The following NUDT14 variants were observed in gnomAD, a reference collection of about 807,000 sequenced individuals.
NUDT14 encodes the protein uridine diphosphate glucose pyrophosphatase NUDT14.
In NUDT14, 22 loss-of-function variants were observed where a neutral mutation model predicts 17.5. The ratio of observed to expected loss-of-function variants is 1.26; its 90% CI spans 0.90 to 1.80. The LOEUF (loss-of-function observed/expected upper bound fraction) is 1.80. Ranked by LOEUF, NUDT14 falls within the 40% of genes most tolerant of loss-of-function variation. NUDT14 has a pLI of 0.00. For synonymous variants in NUDT14, 129 were observed against 125.8 expected, an observed-to-expected ratio of 1.03 and a Z score of -0.17; for missense variants, 296 against 295.6, an observed-to-expected ratio of 1.00 and a Z score of -0.01.
Position 105,176,623 on chromosome 14 carries a change from G to A in NUDT14, c.339C>T (p.Leu113=). The A allele has an allele frequency of 6.2e-7, 1 of 1,612,748 alleles. No homozygotes were observed. Among genetic ancestry groups the A allele is most frequent in the East Asian group, 2.2e-5 (1 of 44,880 alleles). ...CCTTGCAAGCCACTTCCTCCAGCGAGAGCCCAGGCTGGTCCACGAGGCCGG... is the reference window on the plus strand; with the variant it reads ...CCTTGCAAGCCACTTCCTCCAGCGAAAGCCCAGGCTGGTCCACGAGGCCGG... ...LCAGLVDQPG[L]SLEEVACKEA... Residue 113 remains leucine (L), a synonymous_variant, in exon 4 of 5, where the codon CTC becomes CTT. Coordinates refer to ENST00000392568, the MANE Select transcript of NUDT14 (RefSeq NM_177533.5).
At position 105,181,225 on chromosome 14, in the gene NUDT14, GGCGGGGGCC is replaced by G; in HGVS notation, c.-25_-17del. The G allele has an allele frequency of 9.6e-7, 1 of 1,039,748 alleles. No homozygotes were observed. Among genetic ancestry groups the G allele is most frequent in the Non-Finnish European group, 1.2e-6 (1 of 847,472 alleles). 64.4% of individuals were successfully genotyped at this position (1,039,748 alleles called of 1,614,324 possible). On this transcript the variant is annotated 5_prime_UTR_variant, in exon 1 of 5. Coordinates refer to ENST00000392568, the MANE Select transcript of NUDT14 (RefSeq NM_177533.5). The surrounding 1 kb of genome is among the most constrained non-coding windows in gnomAD (Gnocchi z 5.0). ...TGCGCTCCATGGCGGCGCCCGGACA[GGCGGGGGCC>G]GCGAGCTCTGCGGGGGCCGACACGG... is the stretch of plus-strand genomic sequence containing the variant.
chr14:105,178,948 G>T (rs1369745966), intron 1 of NUDT14, among the ~76,000 whole-genome samples: 2 of 152,116 alleles, frequency 1.3e-5, no homozygotes, highest in Non-Finnish European at 2.9e-5. Context: ...GAGGCCGTGG[G>T]GTACCACTCC....
At chr14:105,180,197 G>T (rs1889296668) in intron 1 of NUDT14, among the ~76,000 whole-genome samples, 1 of 152,222 alleles carries the variant, frequency 6.6e-6, no homozygotes, top group Non-Finnish European at 1.5e-5. Context: ...CAACACATAT[G>T]CCTCATGCCT....
chr14:105,176,401 T>C (rs1216242745), intron 4 of NUDT14, 133 bp downstream of exon 4: 3 of 800,570 alleles, frequency 3.7e-6, no homozygotes, highest in Non-Finnish European at 6.2e-6. Context: ...GCGCATTCGG[T>C]CCAACCCTCC....
At chr14:105,180,907 GC>G (rs1416696432) in intron 1 of NUDT14, among the ~76,000 whole-genome samples, 7 of 152,130 alleles carry the variant, frequency 4.6e-5, no homozygotes, top group Non-Finnish European at 1.0e-4. Context: ...GATGAGTGGT[GC>G]CCCCTCAGAT....
rs1440561033 is a variant in NUDT14 at position 105,177,707 on chromosome 14, A to T, written c.110T>A (p.Met37Lys). 6.2e-7 allele frequency: 1 copy of T among 1,612,450 alleles called. No individual in the cohort carries two copies. The highest frequency in any genetic ancestry group is 8.5e-7 in the Non-Finnish European group (1 of 1,179,718). The change falls in exon 2 of 5, where the codon ATG (methionine) becomes AAG (lysine). Residue 37 changes from methionine (M) to lysine (K), a missense_variant. By Grantham distance (95) the Met-to-Lys change is moderately conservative. Transcript: ENST00000392568. ...AGGCTCTCACCTGTCATGCGTCTTC[A>T]TGAAGTCCCAGGACTTCTGGGCACC... ...QNGAQKSWDF[M>K]KTHDSVTVLL...
rs368542670 is a variant in NUDT14, at chr14:105,177,038, G to C, written c.126-11C>G. ...AAGAGAACGGTCACGCTGTGTACGGGGGGAGGGGCTCAGCACAGAAGCACT... is the reference window on the plus strand; with the variant it reads ...AAGAGAACGGTCACGCTGTGTACGGCGGGAGGGGCTCAGCACAGAAGCACT... On this transcript the variant is annotated splice_polypyrimidine_tract_variant and intron_variant, in intron 2 of 4. Transcript: ENST00000392568. The C allele has an allele frequency of 7.5e-6, 12 of 1,610,584 alleles. No homozygotes were observed. The highest frequency in any genetic ancestry group is 1.1e-5 in the South Asian group (1 of 90,730).
At chr14:105,174,940 C>T (rs111407599) in intron 4 of NUDT14, among the ~76,000 whole-genome samples, 19 of 152,198 alleles carry the variant, frequency 1.2e-4, no homozygotes, top group African/African-American at 4.3e-4. Context: ...GTCAGTCCAG[C>T]CCCCCATCAG....
intron 4 of NUDT14, among the ~76,000 whole-genome samples, chr14:105,175,298 G>A (rs1001831648): frequency 1.3e-5 from 2 of 152,246 alleles, no homozygotes; most frequent in Non-Finnish European, 2.9e-5. Flanking sequence ...CACAGTGGGC[G>A]TGGCCCACCA....
At position 105,181,289 on chromosome 14, in the gene NUDT14, G is replaced by A. The variant is rs920797778; in HGVS notation, c.-80C>T. On this transcript the variant is annotated 5_prime_UTR_variant, in exon 1 of 5. Coordinates refer to ENST00000392568, the MANE Select transcript of NUDT14 (RefSeq NM_177533.5). The surrounding 1 kb of genome is among the most constrained non-coding windows in gnomAD (Gnocchi z 5.0). Reference sequence around the variant, plus strand: ...GCGCCCTGTCCCGACAGGAGCCTTCGGGCGGGCGCGTGACCGCGGCTCTGA... The same window carrying A: ...GCGCCCTGTCCCGACAGGAGCCTTCAGGCGGGCGCGTGACCGCGGCTCTGA... The A allele has an allele frequency of 9.3e-5, 57 of 609,680 alleles. No homozygotes were observed. The South Asian group carries it at 1.9e-3, about 20-fold the overall frequency. 37.8% of individuals were successfully genotyped at this position (609,680 alleles called of 1,614,324 possible). A position where few individuals can be genotyped will look rare whatever the true frequency, so the allele number is the denominator to read the frequency against.
intron 1 of NUDT14, among the ~76,000 whole-genome samples, chr14:105,179,276 G>T (rs1218447546): frequency 6.6e-6 from 1 of 152,210 alleles, no homozygotes; most frequent in Non-Finnish European, 1.5e-5. Flanking sequence ...GAGCCACGGG[G>T]GTCCCCTGCC....
intron 4 of NUDT14, among the ~76,000 whole-genome samples, chr14:105,174,632 G>C (rs890988987): frequency 6.6e-6 from 1 of 152,114 alleles, no homozygotes; most frequent in Non-Finnish European, 1.5e-5. Context: ...CCCATTTCCG[G>C]CGGCGGCCGC....
At chr14:105,179,980 TG>T (rs1202276897) in intron 1 of NUDT14, among the ~76,000 whole-genome samples, 4 of 152,046 alleles carry the variant, frequency 2.6e-5, no homozygotes, top group Non-Finnish European at 5.9e-5. Flanking sequence ...CCTGATAGGC[TG>T]GGGGGCTGGA....
At chr14:105,176,068 A>G (rs2141007065) in intron 4 of NUDT14, 2 of 1,122,436 alleles carry the variant, frequency 1.8e-6, no homozygotes, top group South Asian at 1.6e-5. Context: ...TCGCGGGGCA[A>G]GAGTTGGTGC....
At chr14:105,180,772 T>C (rs750505415) in intron 1 of NUDT14, among the ~76,000 whole-genome samples, 4 of 152,032 alleles carry the variant, frequency 2.6e-5, no homozygotes, top group Non-Finnish European at 5.9e-5. Context: ...CTTCAAGTGG[T>C]AGCATGAAAG....
At position 105,176,777 on chromosome 14, in the gene NUDT14, TG is replaced by T. The variant is rs780908228; in HGVS notation, c.191-7del. 6.2e-7 allele frequency: 1 copy of T among 1,610,972 alleles called. No homozygotes were observed. Among genetic ancestry groups the T allele is most frequent in the Admixed American group, 1.7e-5 (1 of 59,994 alleles). On this transcript the variant is annotated splice_region_variant and splice_polypyrimidine_tract_variant and intron_variant, in intron 3 of 4. Coordinates refer to ENST00000392568, the MANE Select transcript of NUDT14 (RefSeq NM_177533.5). ...CACCTCACCCGCATACACAGCTGCG[TG>T]GGAAGAAGCCAGACTGTGCTCACAG...
intron 4 of NUDT14, among the ~76,000 whole-genome samples, chr14:105,175,171 T>G (rs1329072512): frequency 6.6e-6 from 1 of 152,178 alleles, no homozygotes; most frequent in African/African-American, 2.4e-5. Flanking sequence ...TGAGAGCCTG[T>G]GCGGTCCCTC....
rs746600700 is a variant in NUDT14, at chr14:105,177,777, C to T, written c.82-42G>A. On this transcript the variant is annotated intron_variant, in intron 1 of 4. Transcript: ENST00000392568. The stretch of plus-strand genomic sequence containing the variant: ...AGCGGTTAGAATGTCCCAGGATGGG[C>T]GGAGGTGCTCGGGGAACCGAGGAGG... 16 of 1,595,014 alleles carry T rather than the reference C, an allele frequency of 1.0e-5. No homozygotes were observed. The East Asian group carries it at 1.8e-4, about 18-fold the overall frequency.
At chr14:105,176,800 A>T in intron 3 of NUDT14, 29 bp from the exon 4 acceptor site, 1 of 1,604,072 alleles carries the variant, frequency 6.2e-7, no homozygotes, top group Non-Finnish European at 8.5e-7. Flanking sequence ...GACTGTGCTC[A>T]CAGCCACGTG....
Sources: gnomAD v4.1 joint callset for allele counts (sites outside exome capture counted in the v4.1 genomes callset) on GRCh38, gnomAD v4.1.1 for gene constraint, Gnocchi (gnomAD v3.1) non-coding constraint, MANE v1.5 for transcripts, NCBI Gene and HGNC (gene_info 2026-07-23, HGNC 2026-07-21) for gene names.